Variants in PHKB observed in about 807,000 individuals in gnomAD.
PHKB encodes the protein phosphorylase b kinase regulatory subunit beta.
In PHKB, 122 loss-of-function variants were observed where a neutral mutation model predicts 152.1. The ratio of observed to expected loss-of-function variants is 0.80; its 90% CI spans 0.69 to 0.93. The LOEUF is 0.93. Among genes scored for constraint, PHKB ranks in the 40% least tolerant of loss-of-function variants. The pLI is 0.00. For missense variants in PHKB, 1,304 were observed against 1,328.4 expected, an observed-to-expected ratio of 0.98 and a Z score of 0.29; for synonymous variants, 436 against 464.9, an observed-to-expected ratio of 0.94 and a Z score of 0.80.
chr16:47,695,835 T>G (rs1974137497), intron 28 of PHKB, among the ~76,000 whole-genome samples: 1 of 152,266 alleles, frequency 6.6e-6, no homozygotes, highest in Non-Finnish European at 1.5e-5. Flanking sequence ...CACAGTATTC[T>G]TGTTTTAAAT....
chr16:47,551,833 A>G (rs1159628500), intron 7 of PHKB, among the ~76,000 whole-genome samples: 1 of 152,058 alleles, frequency 6.6e-6, no homozygotes, highest in Non-Finnish European at 1.5e-5. Flanking sequence ...TTCCACTATT[A>G]TTGTGTGGGA....
At chr16:47,675,577 T>C (rs1456195833) in intron 26 of PHKB, 1 of 152,154 alleles carries the variant, frequency 6.6e-6, no homozygotes, top group Non-Finnish European at 1.5e-5. Flanking sequence ...TCTTGTCTTC[T>C]GGTCCTAGGT....
Position 47,545,568 on chromosome 16 carries a change from G to C in PHKB, c.595-1865G>C, listed in dbSNP as rs568854108. ...ACCTTGGTGAATTTGACAATTATGT[G>C]TCTTGAGGTTGCTCTTTTCGAGGAG... On this transcript the variant is annotated intron_variant, in intron 6 of 30. Transcript: ENST00000323584. Among the ~76,000 whole-genome samples the C allele has an allele frequency of 1.8e-3, 277 of 152,224 alleles. 1 individual carries two copies. The highest frequency in any genetic ancestry group is 6.4e-3 in the African/African-American group (264 of 41,522).
At chr16:47,615,160 T>C (rs1972493124) in intron 14 of PHKB, among the ~76,000 whole-genome samples, 2 of 152,176 alleles carry the variant, frequency 1.3e-5, no homozygotes, top group Non-Finnish European at 2.9e-5. Context: ...CTTATGCCAC[T>C]GGGTAGAGGG....
rs147474359 is a variant in PHKB at position 47,570,355 on chromosome 16, G to T, written c.711-9940G>T. Among the ~76,000 whole-genome samples, 483 of 152,282 alleles carry T rather than the reference G, an allele frequency of 3.2e-3. 2 individuals are homozygous for T. The highest frequency in any genetic ancestry group is 0.011 in the African/African-American group (443 of 41,568). On this transcript the variant is annotated intron_variant, in intron 7 of 30. Coordinates refer to ENST00000323584, the MANE Select transcript of PHKB (RefSeq NM_000293.3). The stretch of plus-strand genomic sequence containing the variant: ...AGCAAGATTAGGAAAGTTTTTGTCA[G>T]TTATTCCTTGAAGTAGGTTTTCTAA...
chr16:47,653,247 A>G (rs1973272066), intron 20 of PHKB, among the ~76,000 whole-genome samples: 1 of 152,206 alleles, frequency 6.6e-6, no homozygotes, highest in Non-Finnish European at 1.5e-5. Context: ...ACTGTGAAGT[A>G]TGCAGTCTCC....
intron 7 of PHKB, among the ~76,000 whole-genome samples, chr16:47,556,092 G>C (rs12920878): frequency 6.6e-6 from 1 of 152,184 alleles, no homozygotes; most frequent in Admixed American, 6.5e-5. Context: ...TGGTGTCTAA[G>C]AATGCTTGTG....
intron 13 of PHKB, among the ~76,000 whole-genome samples, chr16:47,610,159 A>ATTT (rs371224839): frequency 0.01 from 1,003 of 99,414 alleles, 44 homozygotes; most frequent in East Asian, 0.083. Context: ...TGCCCAGCTA[A>ATTT]TTTTTTTTTT....
chr16:47,622,900 C>T (rs1972642257), intron 14 of PHKB, among the ~76,000 whole-genome samples: 1 of 152,154 alleles, frequency 6.6e-6, no homozygotes, highest in Non-Finnish European at 1.5e-5. Context: ...ATGCTTTCTC[C>T]TCTAAATATA....
intron 11 of PHKB, 134 bp downstream of exon 11, chr16:47,593,691 T>C (rs547744178): frequency 5.6e-5 from 38 of 681,702 alleles, no homozygotes; most frequent in African/African-American, 5.2e-4. Context: ...GCTTCAGTGA[T>C]GTTAATTGCC....
At chr16:47,611,236 T>C (rs12103147) in intron 14 of PHKB, among the ~76,000 whole-genome samples, 1,921 of 152,290 alleles carry the variant, frequency 0.013, 50 homozygotes, top group African/African-American at 0.044. Flanking sequence ...GGAGTGGGAT[T>C]CCCCAAAAGG....
intron 6 of PHKB, among the ~76,000 whole-genome samples, chr16:47,517,781 T>A (rs1285786457): frequency 6.6e-6 from 1 of 152,176 alleles, no homozygotes; most frequent in Non-Finnish European, 1.5e-5. Context: ...TATTTGTGGT[T>A]TTTCTTGGCC....
In PHKB at chr16:47,622,904, A is replaced by T. The variant is rs28674891; in HGVS notation, c.1458+11984A>T. On this transcript the variant is annotated intron_variant, in intron 14 of 30. Transcript: ENST00000323584. ...GTGGGAGTTTCATGCTTTCTCCTCTAAATATACAAATGCATAGAATTTTGC... is the reference window on the plus strand; with the variant it reads ...GTGGGAGTTTCATGCTTTCTCCTCTTAATATACAAATGCATAGAATTTTGC... Among the ~76,000 whole-genome samples the T allele has an allele frequency of 4.2e-3, 638 of 152,338 alleles. 6 individuals carry two copies. The highest frequency in any genetic ancestry group is 0.015 in the African/African-American group (608 of 41,580).
chr16:47,554,549 G>A (rs1262080556), intron 7 of PHKB, among the ~76,000 whole-genome samples: 1 of 152,092 alleles, frequency 6.6e-6, no homozygotes, highest in African/African-American at 2.4e-5. Context: ...CGGAGTTCCA[G>A]GTGCCACTGG....
intron 7 of PHKB, among the ~76,000 whole-genome samples, chr16:47,577,745 T>C (rs949216933): frequency 6.6e-6 from 1 of 152,188 alleles, no homozygotes; most frequent in African/African-American, 2.4e-5. Flanking sequence ...TTTTCCCCTA[T>C]AGGTAATGTG....
At chr16:47,590,047 C>A (rs746254803) in intron 10 of PHKB, among the ~76,000 whole-genome samples, 1 of 152,116 alleles carries the variant, frequency 6.6e-6, no homozygotes, top group Non-Finnish European at 1.5e-5. Flanking sequence ...TCCTAGGCCT[C>A]CTAAAGTGCT....
At chr16:47,488,957 AT>A (rs949039451) in intron 1 of PHKB, among the ~76,000 whole-genome samples, 10 of 151,776 alleles carry the variant, frequency 6.6e-5, no homozygotes, top group African/African-American at 1.2e-4. Flanking sequence ...AATTAAAAAA[AT>A]TTTTTTTTCT....
intron 14 of PHKB, among the ~76,000 whole-genome samples, chr16:47,628,258 C>A (rs553725266): frequency 1.3e-5 from 2 of 152,142 alleles, no homozygotes; most frequent in Non-Finnish European, 1.5e-5. Flanking sequence ...ACTGGCCGGG[C>A]GCGGTGGCTC....
Position 47,700,986 on chromosome 16 carries a change from G to C in PHKB, c.*1620G>C, listed in dbSNP as rs1342457830. ...AATTGAAATGAATGAGACACAGTTG[G>C]GCCCTAAAGAACTAAGGAGGGGGAT... is the stretch of plus-strand genomic sequence containing the variant. On this transcript the variant is annotated 3_prime_UTR_variant, in exon 31 of 31. Coordinates refer to ENST00000323584, the MANE Select transcript of PHKB (RefSeq NM_000293.3). 1 of 152,134 alleles carries C rather than the reference G, an allele frequency of 6.6e-6. No individual in the cohort carries two copies. 9.4% of individuals were successfully genotyped at this position (152,134 alleles called of 1,614,324 possible).
Sources: allele counts gnomAD v4.1 joint callset (sites outside exome capture counted in the v4.1 genomes callset), GRCh38; gene constraint gnomAD v4.1.1; transcripts MANE v1.5; gene names NCBI Gene and HGNC (gene_info 2026-07-23, HGNC 2026-07-21).